KCNA6: variants seen among roughly 807,000 people sequenced by gnomAD.
The protein encoded by KCNA6 is potassium voltage-gated channel subfamily A member 6, also known as human brain potassium channel-2.
A neutral mutation model predicts 29.5 loss-of-function variants in KCNA6; 17 were observed. The observed-to-expected ratio is 0.58, with a 90% CI of 0.39 to 0.86. KCNA6 has a LOEUF of 0.86. KCNA6 is among the 40% of genes least tolerant of loss of function. The probability of loss-of-function intolerance (pLI) is 0.00; values close to 1 mark genes in which losing one functional copy is unlikely to be tolerated. For missense variants in KCNA6, 450 were observed against 703.4 expected (o/e 0.64, Z 4.07); for synonymous variants, 296 against 304.7 (o/e 0.97, Z 0.30).
chr12:4,824,811 G>A, the KCNA6 span, among the ~76,000 whole-genome samples: 1 of 152,222 alleles, frequency 6.6e-6, no homozygotes, highest in East Asian at 1.9e-4. Context: ...GTGGAAAACA[G>A]ACTCAACTTA....
At chr12:4,827,231 C>CCTT in the KCNA6 span, among the ~76,000 whole-genome samples, 1 of 136,324 alleles carries the variant, frequency 7.3e-6, no homozygotes, top group Non-Finnish European at 1.6e-5. Context: ...CTTCCTTCCT[C>CCTT]CTTCCTTCCT....
At chr12:4,818,929 T>C in the KCNA6 span, among the ~76,000 whole-genome samples, 1 of 151,526 alleles carries the variant, frequency 6.6e-6, no homozygotes, top group Non-Finnish European at 1.5e-5. Flanking sequence ...CATACATACA[T>C]ACACAAAAAC....
At chr12:4,846,157 A>G in the KCNA6 span, among the ~76,000 whole-genome samples, 1 of 152,178 alleles carries the variant, frequency 6.6e-6, no homozygotes, top group Non-Finnish European at 1.5e-5. Context: ...TCGAACCCCC[A>G]GAAAGCAAAG....
At chr12:4,829,893 C>T in the KCNA6 span, among the ~76,000 whole-genome samples, 10 of 152,148 alleles carry the variant, frequency 6.6e-5, no homozygotes, top group Non-Finnish European at 1.3e-4. Context: ...TGTCCTTGGC[C>T]GAGAGAGGTT....
the KCNA6 span, chr12:4,851,005 G>T: frequency 3.2e-6 from 1 of 316,646 alleles, no homozygotes; most frequent in Non-Finnish European, 6.4e-6. Flanking sequence ...AAAGAGACCA[G>T]CTATGGGGTG....
the KCNA6 span, among the ~76,000 whole-genome samples, chr12:4,843,724 C>T: frequency 3.3e-5 from 5 of 152,198 alleles, no homozygotes; most frequent in Non-Finnish European, 7.4e-5. Context: ...AGGCAGTTCA[C>T]GTGGCGAAAC....
chr12:4,844,482 C>G, the KCNA6 span, among the ~76,000 whole-genome samples: 11 of 152,046 alleles, frequency 7.2e-5, no homozygotes, highest in African/African-American at 2.7e-4. This position sits in a 1 kb window ranked among gnomAD's most constrained non-coding sequence, Gnocchi z 4.0. Flanking sequence ...AGGACTGGAC[C>G]TTGTGGATAT....
the KCNA6 span, among the ~76,000 whole-genome samples, chr12:4,822,310 G>C: frequency 1.3e-5 from 2 of 152,156 alleles, no homozygotes; most frequent in African/African-American, 4.8e-5. Context: ...TGGTGCTTGC[G>C]GCCATACTCA....
chr12:4,842,607 G>C, the KCNA6 span: 1 of 152,354 alleles, frequency 6.6e-6, no homozygotes, highest in East Asian at 1.9e-4. Flanking sequence ...ATGTCTTCAC[G>C]TGGCGGCAGG....
At chr12:4,841,749 T>C in the KCNA6 span, among the ~76,000 whole-genome samples, 1 of 152,238 alleles carries the variant, frequency 6.6e-6, no homozygotes, top group South Asian at 2.1e-4. Context: ...AAATGGGGAC[T>C]GGTAATATAG....
the KCNA6 span, among the ~76,000 whole-genome samples, chr12:4,843,261 A>T: frequency 6.6e-6 from 1 of 151,756 alleles, no homozygotes; most frequent in Non-Finnish European, 1.5e-5. Flanking sequence ...GCTCACTGCA[A>T]GCTCCGCCTC....
At chr12:4,850,980 G>A in the KCNA6 span, 1 of 351,484 alleles carries the variant, frequency 2.8e-6, no homozygotes, top group South Asian at 2.2e-5. The surrounding 1 kb of genome is among the most constrained non-coding windows in gnomAD (Gnocchi z 5.4). Flanking sequence ...CAGGGTGAAA[G>A]CTGGTGGTGT....
chr12:4,814,980 C>CT (rs1946668044), downstream of KCNA6, among the ~76,000 whole-genome samples: 1 of 152,132 alleles, frequency 6.6e-6, no homozygotes, highest in Non-Finnish European at 1.5e-5. The surrounding 1 kb of genome is among the most constrained non-coding windows in gnomAD (Gnocchi z 4.6). Flanking sequence ...TCCTTTTTCT[C>CT]TGTTTCTGTC....
At chr12:4,833,656 C>G in the KCNA6 span, among the ~76,000 whole-genome samples, 1 of 152,154 alleles carries the variant, frequency 6.6e-6, no homozygotes, top group African/African-American at 2.4e-5. Context: ...GGCTTTTTGC[C>G]TCATGCTCAC....
chr12:4,846,467 C>T, the KCNA6 span, among the ~76,000 whole-genome samples: 2 of 151,838 alleles, frequency 1.3e-5, no homozygotes, highest in African/African-American at 4.8e-5. Flanking sequence ...CAATAGTATT[C>T]CTCCTCGAGC....
rs769067796 is a variant in KCNA6, at chr12:4,811,331, C to T, written c.1290C>T (p.Pro430=). 6.2e-7 allele frequency: 1 copy of T among 1,614,036 alleles called. No homozygotes were observed. Among genetic ancestry groups the T allele is most frequent in the Admixed American group, 1.7e-5 (1 of 60,030 alleles). Residue 430 remains proline (P), a synonymous_variant, in exon 1 of 1, where the codon CCC becomes CCT. Coordinates refer to ENST00000280684, the Ensembl canonical transcript of KCNA6. The surrounding 1 kb of genome is among the most constrained non-coding windows in gnomAD (Gnocchi z 7.1). ...CGGTAGGTTACGGGGACATGTACCC[C>T]ATGACTGTGGGGGGAAAGATCGTGG...
the KCNA6 span, among the ~76,000 whole-genome samples, chr12:4,820,308 A>T: frequency 6.6e-6 from 1 of 152,178 alleles, no homozygotes; most frequent in Non-Finnish European, 1.5e-5. Flanking sequence ...TTTCCAGCCA[A>T]ACTAGAATGA....
the KCNA6 span, among the ~76,000 whole-genome samples, chr12:4,841,453 T>A: frequency 1.4e-3 from 209 of 152,296 alleles, 2 homozygotes; most frequent in Non-Finnish European, 3.2e-4. Context: ...TTAATAGACT[T>A]GAGGCAAGAT....
downstream of KCNA6, among the ~76,000 whole-genome samples, chr12:4,817,280 T>C (rs1055621567): frequency 3.9e-5 from 6 of 152,254 alleles, no homozygotes; most frequent in African/African-American, 1.4e-4. Context: ...CAGAACAGGG[T>C]CTGGAGCTTG....
Sources: gnomAD v4.1 joint callset for allele counts (sites outside exome capture counted in the v4.1 genomes callset) on GRCh38, gnomAD v4.1.1 for gene constraint, Gnocchi (gnomAD v3.1) non-coding constraint, MANE v1.5 for transcripts, NCBI Gene and HGNC (gene_info 2026-07-23, HGNC 2026-07-21) for gene names.